EDA: variants seen among roughly 807,000 people sequenced by gnomAD.
EDA encodes the protein ectodysplasin-A.
In EDA, 2 loss-of-function variants were observed where a neutral mutation model predicts 23.6. That is an observed-to-expected ratio of 0.08 (90% confidence interval 0.03 to 0.27). The LOEUF (loss-of-function observed/expected upper bound fraction) is 0.27. EDA is among the 10% of genes least tolerant of loss of function. The pLI is 1.00. For missense variants in EDA, 229 were observed against 324.2 expected (o/e 0.71, Z 2.26); for synonymous variants, 131 against 132.0 (o/e 0.99, Z 0.05).
At chrX:69,834,681 T>C (rs1455183924) in intron 1 of EDA, among the ~76,000 whole-genome samples, 1 of 111,332 alleles carries the variant, frequency 9.0e-6, no homozygotes, top group African/African-American at 3.3e-5. Flanking sequence ...TGCCAGTCTG[T>C]GTCTTTTAAC....
At chrX:69,621,018 C>G (rs999891740) in intron 1 of EDA, 1 of 307,811 alleles carries the variant, frequency 3.2e-6, no homozygotes, top group Non-Finnish European at 6.3e-6. Flanking sequence ...GGAGAAGAGC[C>G]TTAACCACGT....
intron 1 of EDA, among the ~76,000 whole-genome samples, chrX:69,856,600 T>C (rs1388659931): frequency 9.0e-6 from 1 of 111,637 alleles, no homozygotes; most frequent in Admixed American, 9.5e-5. Context: ...TTGATTTGCA[T>C]TTCCCTGATA....
chrX:69,856,507 C>T (rs1198808982), intron 1 of EDA, among the ~76,000 whole-genome samples: 1 of 109,975 alleles, frequency 9.1e-6, no homozygotes, highest in Non-Finnish European at 1.9e-5. Flanking sequence ...CCCTTTTCAC[C>T]ACATCCACAC....
At chrX:69,870,652 G>A (rs1024772890) in intron 1 of EDA, among the ~76,000 whole-genome samples, 7 of 111,452 alleles carry the variant, frequency 6.3e-5, no homozygotes, top group African/African-American at 2.3e-4. Flanking sequence ...GTTCATCAGA[G>A]TTTGCAAACT....
chrX:70,001,478 A>G (rs2019739873), intron 2 of EDA, among the ~76,000 whole-genome samples: 1 of 111,983 alleles, frequency 8.9e-6, no homozygotes, highest in Non-Finnish European at 1.9e-5. Context: ...GCTTCTGGGA[A>G]CAGCACATTG....
chrX:69,828,561 G>C lies in EDA; in HGVS notation c.397-128466G>C, dbSNP rs764038982. On this transcript the variant is annotated intron_variant, in intron 1 of 7. Transcript: ENST00000374552. ...GCAATGCCTCCCCTTGCTTCGGCTC[G>C]CGCACGGTGCACTGCACCCACTGAC... is the stretch of plus-strand genomic sequence containing the variant. 8.5e-4 allele frequency among the ~76,000 whole-genome samples: 95 copies of C among 111,873 alleles called. 1 individual carries two copies. The South Asian group carries it at 0.034, about 40-fold the overall frequency.
intron 2 of EDA, among the ~76,000 whole-genome samples, chrX:69,967,958 G>T (rs1012898496): frequency 1.8e-5 from 2 of 111,678 alleles, no homozygotes; most frequent in African/African-American, 6.5e-5. Context: ...ACCAGATGAG[G>T]AATTAGAAAA....
rs1383528938 is a variant in EDA at position 69,956,456 on chromosome X, C to T, written c.397-571C>T. On this transcript the variant is annotated intron_variant, in intron 1 of 7. Coordinates refer to ENST00000374552, the MANE Select transcript of EDA (RefSeq NM_001399.5). ...TCCCAGGTTCAGGCGATTCTCCTACCTCAGCCTCCCCAGTAGCTGGGATTA... is the reference window on the plus strand; with the variant it reads ...TCCCAGGTTCAGGCGATTCTCCTACTTCAGCCTCCCCAGTAGCTGGGATTA... 1.9e-5 allele frequency among the ~76,000 whole-genome samples: 2 copies of T among 107,683 alleles called. 1 individual carries two copies. Among genetic ancestry groups the T allele is most frequent in the Middle Eastern group, 8.6e-3 (2 of 232 alleles). The allele number at this position is 107,683 out of a possible 115,157, so 93.5% of individuals were successfully genotyped here. A position where few individuals can be genotyped will look rare whatever the true frequency, so the allele number is the denominator to read the frequency against.
chrX:69,869,601 C>T (rs556477741), intron 1 of EDA, among the ~76,000 whole-genome samples: 2 of 111,563 alleles, frequency 1.8e-5, no homozygotes, highest in Admixed American at 1.9e-4. Context: ...AGTTTTTTGT[C>T]CATTTGACCT....
chrX:69,999,937 T>A (rs1293745063), intron 2 of EDA, among the ~76,000 whole-genome samples: 2 of 111,688 alleles, frequency 1.8e-5, no homozygotes, highest in Non-Finnish European at 3.8e-5. Flanking sequence ...TATTCAATAA[T>A]AGGAAATCTC....
At chrX:69,970,197 AT>A (rs1216844066) in intron 2 of EDA, among the ~76,000 whole-genome samples, 1 of 112,969 alleles carries the variant, frequency 8.9e-6, no homozygotes, top group East Asian at 2.8e-4. Context: ...AGGAAAGAGC[AT>A]AAGATTTAAA....
At chrX:70,025,725 C>G (rs1473123721) in intron 3 of EDA, among the ~76,000 whole-genome samples, 1 of 112,001 alleles carries the variant, frequency 8.9e-6, no homozygotes, top group Non-Finnish European at 1.9e-5. Context: ...AGATGGTTTT[C>G]CTGTTCAGCA....
At chrX:69,751,685 A>T (rs1185408255) in intron 1 of EDA, among the ~76,000 whole-genome samples, 1 of 111,328 alleles carries the variant, frequency 9.0e-6, no homozygotes, top group Admixed American at 9.4e-5. Flanking sequence ...ATTTGTTTGT[A>T]TCCTCTTTTA....
chrX:69,968,673 A>G (rs888398131), intron 2 of EDA, among the ~76,000 whole-genome samples: 1 of 112,366 alleles, frequency 8.9e-6, no homozygotes, highest in Non-Finnish European at 1.9e-5. Flanking sequence ...TTGCTAATAA[A>G]TATAAAATGT....
chrX:69,709,385 T>C (rs1259529466), intron 1 of EDA, among the ~76,000 whole-genome samples: 1 of 111,936 alleles, frequency 8.9e-6, no homozygotes, highest in Non-Finnish European at 1.9e-5. Flanking sequence ...TGATTGACAT[T>C]TAATCTTTCA....
At chrX:69,836,669 C>T (rs2016784061) in intron 1 of EDA, among the ~76,000 whole-genome samples, 1 of 112,333 alleles carries the variant, frequency 8.9e-6, no homozygotes, top group African/African-American at 3.2e-5. Context: ...AAGGGAAATC[C>T]CCCAACTCTT....
chrX:69,809,115 C>T (rs1033348012), intron 1 of EDA, among the ~76,000 whole-genome samples: 2 of 111,611 alleles, frequency 1.8e-5, no homozygotes, highest in African/African-American at 6.5e-5. Flanking sequence ...ATTTTAAGTG[C>T]CAAATACTTA....
intron 1 of EDA, among the ~76,000 whole-genome samples, chrX:69,651,692 G>C (rs1217499584): frequency 9.0e-6 from 1 of 111,633 alleles, no homozygotes; most frequent in Non-Finnish European, 1.9e-5. Context: ...TAAGATAGGA[G>C]ATACTGGAGT....
intron 1 of EDA, among the ~76,000 whole-genome samples, chrX:69,749,509 A>G (rs977816870): frequency 6.5e-4 from 71 of 109,844 alleles, no homozygotes; most frequent in Non-Finnish European, 1.2e-3. Flanking sequence ...CTGAGGAATC[A>G]CCACACTGAC....
Sources: gnomAD v4.1 joint callset for allele counts (sites outside exome capture counted in the v4.1 genomes callset) on GRCh38, gnomAD v4.1.1 for gene constraint, MANE v1.5 for transcripts, NCBI Gene and HGNC (gene_info 2026-07-23, HGNC 2026-07-21) for gene names.